The following SLC2A10 variants were observed in gnomAD, a reference collection of about 807,000 sequenced individuals.
The protein encoded by SLC2A10 is solute carrier family 2 member 10.
In SLC2A10, 25 loss-of-function variants were observed where a neutral mutation model predicts 32.1. The observed-to-expected ratio is 0.78, with a 90% CI of 0.57 to 1.09. The LOEUF (loss-of-function observed/expected upper bound fraction) is 1.09. Ranked by LOEUF, SLC2A10 falls within the 50% of genes least tolerant of loss-of-function variation. The probability of loss-of-function intolerance (pLI) is 0.00; values close to 1 mark genes in which losing one functional copy is unlikely to be tolerated. For missense variants in SLC2A10, 673 were observed against 686.5 expected (o/e 0.98, Z 0.22); for synonymous variants, 332 against 309.6 (o/e 1.07, Z -0.76).
intron 1 of SLC2A10, among the ~76,000 whole-genome samples, chr20:46,716,257 G>T (rs952252726): frequency 6.6e-6 from 1 of 151,038 alleles, no homozygotes; most frequent in African/African-American, 2.4e-5. Flanking sequence ...GGATTCAAAT[G>T]ATTCTCCCAC....
chr20:46,717,531 G>A (rs185282456), intron 1 of SLC2A10, among the ~76,000 whole-genome samples: 11 of 151,946 alleles, frequency 7.2e-5, no homozygotes, highest in Admixed American at 1.3e-4. Context: ...GATTACAGGC[G>A]CCCACCACCA....
chr20:46,716,926 G>A (rs1241088881), intron 1 of SLC2A10, among the ~76,000 whole-genome samples: 2 of 152,096 alleles, frequency 1.3e-5, no homozygotes, highest in African/African-American at 4.8e-5. Context: ...GGGAGGCTGA[G>A]GCAGGAGAAT....
rs113206025 is a variant in SLC2A10 at position 46,734,101 on chromosome 20, TA to T, written c.*269del. On this transcript the variant is annotated 3_prime_UTR_variant, in exon 5 of 5. Coordinates refer to ENST00000359271, the MANE Select transcript of SLC2A10 (RefSeq NM_030777.4). ...GACTTGCACATCTCTGCAGTATTTA[TA>T]AGAAGAATATTCTATGAAGTCTTTG... 2.6e-3 allele frequency: 1,418 copies of T among 538,478 alleles called. 17 individuals carry two copies. The highest frequency in any genetic ancestry group is 0.024 in the African/African-American group (1,280 of 52,558). The allele number at this position is 538,478 out of a possible 1,614,324, so 33.4% of individuals were successfully genotyped here.
In SLC2A10 at chr20:46,729,220, C is replaced by A. The variant is rs1302090964; in HGVS notation, c.1412-133C>A. ...CACTGACAGCTTATTGGTCACTCTG[C>A]AAATTGACCAACGGGAACATTTGCT... On this transcript the variant is annotated intron_variant, in intron 3 of 4. Coordinates refer to ENST00000359271, the MANE Select transcript of SLC2A10 (RefSeq NM_030777.4). The A allele has an allele frequency of 3.6e-6, 4 of 1,117,930 alleles. No individual in the cohort carries two copies. In the African/African-American group the frequency reaches 6.1e-5, roughly 17 times the overall value. The allele number at this position is 1,117,930 out of a possible 1,614,324, so 69.3% of individuals were successfully genotyped here.
intron 1 of SLC2A10, among the ~76,000 whole-genome samples, chr20:46,721,413 G>A: frequency 6.6e-6 from 1 of 151,512 alleles, no homozygotes; most frequent in Non-Finnish European, 1.5e-5. Context: ...AATGACTTGG[G>A]GGCCCTACAA....
At chr20:46,729,228 C>A in intron 3 of SLC2A10, 125 bp from the exon 4 acceptor site, 1 of 1,198,844 alleles carries the variant, frequency 8.3e-7, no homozygotes, top group Non-Finnish European at 1.2e-6. Flanking sequence ...TGCAAATTGA[C>A]CAACGGGAAC....
rs767213709 is a variant in SLC2A10, at chr20:46,725,518, C to T, written c.482C>T (p.Pro161Leu). 1.2e-6 allele frequency: 2 copies of T among 1,614,174 alleles called. No homozygotes were observed. The highest frequency in any genetic ancestry group is 2.2e-5 in the South Asian group (2 of 91,084). Residue 161 changes from proline (P) to leucine (L), a missense_variant, in exon 2 of 5, where the codon CCC becomes CTC. Transcript: ENST00000359271. The stretch of plus-strand genomic sequence containing the variant: ...CTCAACTATGCACTGGCTGGTACCC[C>T]CTGGGGATGGAGGCACATGTTCGGC... ...YALNYALAGTPWGWRHMFGWA... is the reference protein window; with the variant it reads ...YALNYALAGTLWGWRHMFGWA...
At chr20:46,726,355 G>C (rs759261484) in intron 2 of SLC2A10, 31 bp downstream of exon 2, 40 of 1,599,952 alleles carry the variant, frequency 2.5e-5, no homozygotes, top group Non-Finnish European at 3.4e-5. Flanking sequence ...GGTGACTCTG[G>C]AGACTTCTAC....
intron 1 of SLC2A10, among the ~76,000 whole-genome samples, chr20:46,718,083 C>G (rs7272321): frequency 0.13 from 19,812 of 151,974 alleles, 2,197 homozygotes; most frequent in African/African-American, 0.29. Flanking sequence ...GTTAGCCTGG[C>G]ATGGTGGTGC....
intron 3 of SLC2A10, among the ~76,000 whole-genome samples, chr20:46,728,604 GTTTTTTTTTTTT>G (rs778644499): frequency 9.9e-6 from 1 of 101,352 alleles, no homozygotes; most frequent in East Asian, 2.9e-4. Context: ...TTCTGGGTGT[GTTTTTTTTTTTT>G]TTTTTTTTTT....
At chr20:46,719,584 A>G (rs1979441864) in intron 1 of SLC2A10, among the ~76,000 whole-genome samples, 1 of 152,190 alleles carries the variant, frequency 6.6e-6, no homozygotes, top group Admixed American at 6.5e-5. Context: ...ACGAAACAGT[A>G]TGGGGGAACC....
intron 1 of SLC2A10, among the ~76,000 whole-genome samples, 197 bp from the exon 2 acceptor site, chr20:46,724,844 G>T (rs920087474): frequency 1.4e-5 from 2 of 145,762 alleles, no homozygotes; most frequent in South Asian, 2.4e-4. Context: ...TGGATGGATG[G>T]ATGGTTGAAT....
chr20:46,712,788 G>T (rs1354966439), intron 1 of SLC2A10, among the ~76,000 whole-genome samples: 1 of 150,914 alleles, frequency 6.6e-6, no homozygotes, highest in Non-Finnish European at 1.5e-5. Context: ...CAAGTAGCTG[G>T]AATTACAGGT....
intron 4 of SLC2A10, 41 bp downstream of exon 4, chr20:46,729,529 C>T: frequency 6.2e-7 from 1 of 1,610,512 alleles, no homozygotes; most frequent in Non-Finnish European, 8.5e-7. Flanking sequence ...AGAGCTGTAG[C>T]ACACCCCAAG....
chr20:46,717,358 T>C (rs767366804), intron 1 of SLC2A10, among the ~76,000 whole-genome samples: 2 of 152,228 alleles, frequency 1.3e-5, no homozygotes, highest in Non-Finnish European at 2.9e-5. Flanking sequence ...TCAGTCATTG[T>C]AATAAATGTG....
chr20:46,716,497 C>T (rs1979248981), intron 1 of SLC2A10, among the ~76,000 whole-genome samples: 1 of 152,120 alleles, frequency 6.6e-6, no homozygotes, highest in African/African-American at 2.4e-5. Flanking sequence ...TCCAGAGAAA[C>T]TCTCCATACA....
chr20:46,712,732 C>T (rs1461526152), intron 1 of SLC2A10, among the ~76,000 whole-genome samples: 1 of 137,504 alleles, frequency 7.3e-6, no homozygotes, highest in African/African-American at 2.7e-5. Context: ...CGGCTCACTG[C>T]AACCTCTGCC....
At chr20:46,732,322 T>C (rs1980343256) in intron 4 of SLC2A10, among the ~76,000 whole-genome samples, 1 of 152,214 alleles carries the variant, frequency 6.6e-6, no homozygotes, top group Non-Finnish European at 1.5e-5. Context: ...TCCTGTTTTA[T>C]CCCAGTTTCT....
chr20:46,733,032 T>C (rs139114254), intron 4 of SLC2A10, among the ~76,000 whole-genome samples: 161 of 152,042 alleles, frequency 1.1e-3, no homozygotes, highest in African/African-American at 3.5e-3. Context: ...GGTGAGAAGA[T>C]GGGATGTTAG....
Sources: gnomAD v4.1 joint callset for allele counts (sites outside exome capture counted in the v4.1 genomes callset) on GRCh38, gnomAD v4.1.1 for gene constraint, MANE v1.5 for transcripts, NCBI Gene and HGNC (gene_info 2026-07-23, HGNC 2026-07-21) for gene names.